The following MRPL1 variants were observed in gnomAD, a reference collection of about 807,000 sequenced individuals.
The protein encoded by MRPL1 is mitochondrial ribosomal protein L1, also known as large ribosomal subunit protein uL1m.
MRPL1 carries 28 observed loss-of-function variants against 38.0 expected under a neutral mutation model. The ratio of observed to expected loss-of-function variants is 0.74; its 90% CI spans 0.55 to 1.01. The LOEUF (loss-of-function observed/expected upper bound fraction) is 1.01. Among genes scored for constraint, MRPL1 ranks in the 50% least tolerant of loss-of-function variants. MRPL1 has a pLI of 0.00. For synonymous variants in MRPL1, 123 were observed against 126.7 expected, an observed-to-expected ratio of 0.97 and a Z score of 0.20; for missense variants, 358 against 389.8, an observed-to-expected ratio of 0.92 and a Z score of 0.69.
At chr4:77,905,525 A>G (rs1736139160) in intron 6 of MRPL1, among the ~76,000 whole-genome samples, 1 of 150,114 alleles carries the variant, frequency 6.7e-6, no homozygotes, top group Non-Finnish European at 1.5e-5. Context: ...AAAAAAGAAT[A>G]TATGTAATTG....
At chr4:77,866,600 C>T (rs1560457354) in intron 1 of MRPL1, among the ~76,000 whole-genome samples, 1 of 152,130 alleles carries the variant, frequency 6.6e-6, no homozygotes. Flanking sequence ...CTCCCTCACA[C>T]TCACTCTGCT....
chr4:77,881,701 A>G (rs900681805), intron 2 of MRPL1, among the ~76,000 whole-genome samples: 1 of 152,096 alleles, frequency 6.6e-6, no homozygotes, highest in African/African-American at 2.4e-5. Flanking sequence ...TTGGCCTCCC[A>G]AAGTGCTGGA....
At chr4:77,892,409 C>T (rs1207176196) in intron 5 of MRPL1, among the ~76,000 whole-genome samples, 1 of 152,158 alleles carries the variant, frequency 6.6e-6, no homozygotes, top group South Asian at 2.1e-4. Context: ...GCTGAGATTA[C>T]AGGTGTGAGC....
chr4:77,937,173 A>G lies in MRPL1; in HGVS notation c.778-12624A>G, dbSNP rs984191279. ...ATTTAGTGGGTATAAACATGACATC[A>G]TTTTCTTCATTCTCTTTCAACTGTG... On this transcript the variant is annotated intron_variant, in intron 7 of 8. Coordinates refer to ENST00000315567, the MANE Select transcript of MRPL1 (RefSeq NM_020236.4). Among the ~76,000 whole-genome samples, 12 of 151,964 alleles carry G rather than the reference A, an allele frequency of 7.9e-5. No homozygotes were observed. In the East Asian group the frequency reaches 1.9e-3, roughly 24 times the overall value.
At chr4:77,877,166 C>G (rs1020813394) in intron 2 of MRPL1, among the ~76,000 whole-genome samples, 1 of 152,224 alleles carries the variant, frequency 6.6e-6, no homozygotes, top group Non-Finnish European at 1.5e-5. Flanking sequence ...TCCCAAAGTG[C>G]TGGGATTACA....
At chr4:77,878,814 C>G (rs548751287) in intron 2 of MRPL1, among the ~76,000 whole-genome samples, 2 of 151,944 alleles carry the variant, frequency 1.3e-5, no homozygotes, top group Non-Finnish European at 2.9e-5. Context: ...GGGAGGCGGA[C>G]GTTGCAGTGA....
intron 5 of MRPL1, among the ~76,000 whole-genome samples, chr4:77,891,696 A>G (rs1296056549): frequency 6.6e-6 from 1 of 152,248 alleles, no homozygotes; most frequent in Admixed American, 6.5e-5. Flanking sequence ...ATGTTAAGCA[A>G]GAAGTTACCT....
chr4:77,863,255 TAG>T (rs1327775007), intron 1 of MRPL1, among the ~76,000 whole-genome samples: 5 of 152,060 alleles, frequency 3.3e-5, no homozygotes, highest in Non-Finnish European at 5.9e-5. Context: ...GTCTGTAAAT[TAG>T]AGCAATTTTC....
At chr4:77,945,128 AATTATTATTATTATTATT>A (rs3056930) in intron 7 of MRPL1, among the ~76,000 whole-genome samples, 13 of 141,100 alleles carry the variant, frequency 9.2e-5, no homozygotes, top group East Asian at 2.1e-4. Context: ...CTGCACCATC[AATTATTATTATTATTATT>A]ATTATTATTA....
Position 77,912,326 on chromosome 4 carries a change from A to G in MRPL1, c.777+2954A>G, listed in dbSNP as rs538372112. On this transcript the variant is annotated intron_variant, in intron 7 of 8. Coordinates refer to ENST00000315567, the MANE Select transcript of MRPL1 (RefSeq NM_020236.4). ...GAAACTGTCATTATTCACAGATTAC[A>G]TGTTCTAGCTACTAGAACAACGAAG... Among the ~76,000 whole-genome samples the G allele has an allele frequency of 2.6e-5, 4 of 152,308 alleles. No homozygotes were observed. In the East Asian group the frequency reaches 7.7e-4, roughly 29 times the overall value.
In MRPL1 at chr4:77,866,385, T is replaced by C. The variant is rs1239798304; in HGVS notation, c.31+3506T>C. ...TTACATTGATAATTTAATAATACTT[T>C]GGGGTATTAGTGATAAAATATTAAC... On this transcript the variant is annotated intron_variant, in intron 1 of 8. Coordinates refer to ENST00000315567, the MANE Select transcript of MRPL1 (RefSeq NM_020236.4). 2.0e-5 allele frequency among the ~76,000 whole-genome samples: 3 copies of C among 152,354 alleles called. No homozygotes were observed. In the East Asian group the frequency reaches 5.8e-4, roughly 29 times the overall value.
chr4:77,897,919 T>TTAGG (rs2110242414), intron 6 of MRPL1, among the ~76,000 whole-genome samples: 1 of 152,334 alleles, frequency 6.6e-6, no homozygotes, highest in Non-Finnish European at 1.5e-5. Flanking sequence ...CCATTAATGA[T>TTAGG]TAGGTACTGT....
At chr4:77,867,755 T>C (rs1735181600) in intron 1 of MRPL1, among the ~76,000 whole-genome samples, 1 of 48,002 alleles carries the variant, frequency 2.1e-5, no homozygotes, top group Admixed American at 2.5e-4. Context: ...TCTTTTTTTT[T>C]TTTTTTTTTT....
At chr4:77,897,089 CAG>C (rs145762866) in intron 6 of MRPL1, among the ~76,000 whole-genome samples, 3 of 151,384 alleles carry the variant, frequency 2.0e-5, no homozygotes, top group Admixed American at 6.6e-5. Flanking sequence ...TTTTATGAGT[CAG>C]AGTTTCCCTC....
chr4:77,874,948 A>AT (rs968254506), intron 2 of MRPL1, among the ~76,000 whole-genome samples: 59 of 145,594 alleles, frequency 4.1e-4, no homozygotes, highest in Admixed American at 3.4e-4. Flanking sequence ...CGCCCGGCTA[A>AT]TTTTTTTTTT....
intron 2 of MRPL1, among the ~76,000 whole-genome samples, chr4:77,880,434 C>T (rs1413261053): frequency 2.7e-5 from 4 of 150,360 alleles, no homozygotes; most frequent in Non-Finnish European, 5.9e-5. Flanking sequence ...ATTGGGCCCA[C>T]GTAGATAATC....
In MRPL1 at chr4:77,871,852, C is replaced by A. The variant is rs17851275; in HGVS notation, c.140C>A (p.Thr47Lys). The change falls in exon 2 of 9, where the codon ACA (threonine) becomes AAA (lysine). Residue 47 changes from threonine (T) to lysine (K), a missense_variant. Transcript: ENST00000315567. ...RVPNRHFAAATKSAKKTKKGA... is the reference protein window; with the variant it reads ...RVPNRHFAAAKKSAKKTKKGA... ...CCCAACAGACATTTTGCTGCTGCTA[C>A]AAAGTAAGTATTTTTTTTTAGTTAT... 11 of 1,572,800 alleles carry A rather than the reference C, an allele frequency of 7.0e-6. No homozygotes were observed. Among genetic ancestry groups the A allele is most frequent in the Non-Finnish European group, 9.5e-6 (11 of 1,155,956 alleles).
rs529463663 is a variant in MRPL1, at chr4:77,914,687, GA to G, written c.777+5319del. On this transcript the variant is annotated intron_variant, in intron 7 of 8. Transcript: ENST00000315567. ...GTGAAATTATTCTTATTATGCAGTT[GA>G]AAATATTGAAGATGTGGTATTTGTG... is the stretch of plus-strand genomic sequence containing the variant. 3.6e-4 allele frequency among the ~76,000 whole-genome samples: 54 copies of G among 150,828 alleles called. No homozygotes were observed. The South Asian group carries it at 0.011, about 31-fold the overall frequency.
At chr4:77,875,222 G>A (rs376909359) in intron 2 of MRPL1, among the ~76,000 whole-genome samples, 4 of 152,150 alleles carry the variant, frequency 2.6e-5, no homozygotes, top group East Asian at 3.8e-4. Context: ...TAACACGTCT[G>A]TGATACAACT....
Sources: allele counts gnomAD v4.1 joint callset (sites outside exome capture counted in the v4.1 genomes callset), GRCh38; gene constraint gnomAD v4.1.1; transcripts MANE v1.5; gene names NCBI Gene and HGNC (gene_info 2026-07-23, HGNC 2026-07-21).